Variants in TTC29 observed in about 807,000 individuals in gnomAD.
The protein encoded by TTC29 is tetratricopeptide repeat domain 29, also known as tetratricopeptide repeat protein 29.
TTC29 carries 49 observed loss-of-function variants against 58.1 expected under a neutral mutation model. The ratio of observed to expected loss-of-function variants is 0.84; its 90% confidence interval spans 0.67 to 1.07. The LOEUF (loss-of-function observed/expected upper bound fraction) is 1.07. Ranked by LOEUF, TTC29 falls within the 50% of genes least tolerant of loss-of-function variation. TTC29 has a pLI of 0.00. For missense variants in TTC29, 582 were observed against 555.6 expected (o/e 1.05, Z -0.48); for synonymous variants, 209 against 196.8 (o/e 1.06, Z -0.52).
intron 3 of TTC29, among the ~76,000 whole-genome samples, chr4:146,937,958 A>G (rs1484445736): frequency 6.6e-6 from 1 of 152,106 alleles, no homozygotes; most frequent in Non-Finnish European, 1.5e-5. Context: ...CAAAGCTTAC[A>G]AGACCTTCTA....
intron 6 of TTC29, among the ~76,000 whole-genome samples, chr4:146,890,791 A>C (rs1450751471): frequency 6.6e-6 from 1 of 152,162 alleles, no homozygotes; most frequent in African/African-American, 2.4e-5. Flanking sequence ...GAAGCCAGAA[A>C]GTTCTCTGGT....
intron 6 of TTC29, among the ~76,000 whole-genome samples, chr4:146,885,352 C>T (rs914385575): frequency 5.3e-5 from 8 of 152,032 alleles, no homozygotes; most frequent in Non-Finnish European, 8.8e-5. Flanking sequence ...TTAAGTATTG[C>T]TGACAACACC....
intron 7 of TTC29, among the ~76,000 whole-genome samples, chr4:146,873,201 A>G (rs113235112): frequency 5.3e-4 from 80 of 152,246 alleles, no homozygotes; most frequent in African/African-American, 1.9e-3. Context: ...GGTAATCATC[A>G]GCTTGCTCCT....
At chr4:146,944,915 G>T (rs1174503078) in intron 2 of TTC29, 116 bp downstream of exon 2, 1 of 152,172 alleles carries the variant, frequency 6.6e-6, no homozygotes, top group Admixed American at 6.5e-5. Context: ...GGGTAGATAG[G>T]TTGTTTAGTA....
intron 11 of TTC29, among the ~76,000 whole-genome samples, chr4:146,799,662 T>G (rs886990051): frequency 6.6e-6 from 1 of 152,210 alleles, no homozygotes; most frequent in Admixed American, 6.5e-5. Flanking sequence ...ATTTCTATAG[T>G]CAGGATTTGC....
intron 11 of TTC29, among the ~76,000 whole-genome samples, chr4:146,791,625 G>C (rs1192479529): frequency 6.6e-6 from 1 of 152,158 alleles, no homozygotes; most frequent in Non-Finnish European, 1.5e-5. Flanking sequence ...CATGTGAAAG[G>C]AGGCATTGCA....
chr4:146,850,178 CTA>C (rs766534068), intron 8 of TTC29, among the ~76,000 whole-genome samples: 10 of 152,192 alleles, frequency 6.6e-5, no homozygotes, highest in Non-Finnish European at 1.0e-4. Flanking sequence ...TGCTCCAAAA[CTA>C]TGTTCTTAAG....
intron 6 of TTC29, among the ~76,000 whole-genome samples, chr4:146,893,789 CA>C (rs1281486426): frequency 2.0e-5 from 3 of 152,162 alleles, no homozygotes; most frequent in Non-Finnish European, 4.4e-5. Flanking sequence ...ACTCATCTGA[CA>C]AAGGGCTAAT....
chr4:146,854,582 T>C (rs1729718641), intron 8 of TTC29, among the ~76,000 whole-genome samples: 1 of 152,074 alleles, frequency 6.6e-6, no homozygotes, highest in African/African-American at 2.4e-5. Flanking sequence ...TTACTCCCTT[T>C]CCCCTCCATA....
rs957591249 is a variant in TTC29 at position 146,787,715 on chromosome 4, T to C, written c.1330+15742A>G. Among the ~76,000 whole-genome samples the C allele has an allele frequency of 2.6e-5, 4 of 152,152 alleles. 1 individual carries two copies. The highest frequency in any genetic ancestry group is 9.7e-5 in the African/African-American group (4 of 41,450). The stretch of plus-strand genomic sequence containing the variant: ...CATTTGTGGGCACTGAGGCAGCCAG[T>C]GGGAGGGTATTGATTGGAGTATAAT... On this transcript the variant is annotated intron_variant, in intron 11 of 12. Coordinates refer to ENST00000325106, the MANE Select transcript of TTC29 (RefSeq NM_031956.4).
At chr4:146,757,833 C>G (rs377007075) in intron 11 of TTC29, among the ~76,000 whole-genome samples, 1 of 152,006 alleles carries the variant, frequency 6.6e-6, no homozygotes, top group Non-Finnish European at 1.5e-5. Context: ...TGAAACAAAT[C>G]CTGGAAACAC....
intron 5 of TTC29, among the ~76,000 whole-genome samples, chr4:146,908,659 A>ACTCTTTGAAAGTATCTC (rs1256401134): frequency 6.6e-5 from 10 of 152,202 alleles, no homozygotes; most frequent in Middle Eastern, 3.2e-3. Flanking sequence ...AAGTTATAGT[A>ACTCTTTGAAAGTATCTC]CTCTTTGAAA....
intron 10 of TTC29, among the ~76,000 whole-genome samples, chr4:146,804,468 A>G (rs1750460257): frequency 6.6e-6 from 1 of 152,132 alleles, no homozygotes; most frequent in South Asian, 2.1e-4. Context: ...GGAGCCAAGC[A>G]AACTAAGATC....
chr4:146,866,066 A>C (rs779135947), intron 8 of TTC29, among the ~76,000 whole-genome samples: 1 of 152,194 alleles, frequency 6.6e-6, no homozygotes, highest in Non-Finnish European at 1.5e-5. Flanking sequence ...TATATAGAAT[A>C]TTTTCAGAAA....
At chr4:146,796,023 T>G (rs1749811477) in intron 11 of TTC29, among the ~76,000 whole-genome samples, 1 of 152,180 alleles carries the variant, frequency 6.6e-6, no homozygotes, top group Non-Finnish European at 1.5e-5. Flanking sequence ...TTGCTATGGT[T>G]TAACTGAAAA....
chr4:146,807,634 T>C (rs1750708974), intron 10 of TTC29, among the ~76,000 whole-genome samples: 2 of 151,878 alleles, frequency 1.3e-5, no homozygotes, highest in African/African-American at 2.4e-5. Context: ...AACTAGAAAA[T>C]ATAGAAGAAA....
chr4:146,730,418 T>C (rs1168842402), intron 11 of TTC29, among the ~76,000 whole-genome samples: 1 of 152,174 alleles, frequency 6.6e-6, no homozygotes, highest in Non-Finnish European at 1.5e-5. Flanking sequence ...GAGAAAGCTT[T>C]AGGCTGGATA....
At chr4:146,715,746 C>G (rs910445426) in intron 11 of TTC29, among the ~76,000 whole-genome samples, 1 of 151,974 alleles carries the variant, frequency 6.6e-6, no homozygotes, top group Non-Finnish European at 1.5e-5. Context: ...GACTATTTTC[C>G]AAAAGCTAGA....
chr4:146,707,066 AT>A lies in TTC29; in HGVS notation c.*91del. On this transcript the variant is annotated 3_prime_UTR_variant, in exon 13 of 13. Coordinates refer to ENST00000325106, the MANE Select transcript of TTC29 (RefSeq NM_031956.4). The stretch of plus-strand genomic sequence containing the variant: ...TCATAGTCCGTTTTATTATAACTCT[AT>A]ATTATCTGTAACATGCTCCTATTAC... 2 of 947,034 alleles carry A rather than the reference AT, an allele frequency of 2.1e-6. No individual in the cohort carries two copies. Among genetic ancestry groups the A allele is most frequent in the South Asian group, 4.5e-5 (2 of 44,578 alleles). 58.7% of individuals were successfully genotyped at this position (947,034 alleles called of 1,614,324 possible).
Sources: gnomAD v4.1 joint callset for allele counts (sites outside exome capture counted in the v4.1 genomes callset) on GRCh38, gnomAD v4.1.1 for gene constraint, MANE v1.5 for transcripts, NCBI Gene and HGNC (gene_info 2026-07-23, HGNC 2026-07-21) for gene names.